The following NIBAN2 variants were observed in gnomAD, a reference collection of about 807,000 sequenced individuals.
The protein encoded by NIBAN2 is niban apoptosis regulator 2.
In NIBAN2, 36 loss-of-function variants were observed where a neutral mutation model predicts 81.8. The observed-to-expected ratio is 0.44, with a 90% CI of 0.34 to 0.58. The LOEUF is 0.58. Ranked by LOEUF, NIBAN2 falls within the 20% of genes least tolerant of loss-of-function variation. The probability of loss-of-function intolerance (pLI) is 0.02; values close to 1 mark genes in which losing one functional copy is unlikely to be tolerated. For synonymous variants in NIBAN2, 445 were observed against 441.6 expected, an observed-to-expected ratio of 1.01 and a Z score of -0.10; for missense variants, 897 against 1,014.1, an observed-to-expected ratio of 0.88 and a Z score of 1.57.
rs377668874 is a variant in NIBAN2, at chr9:127,507,265, C to T, written c.1821G>A (p.Pro607=). ...GCTTTTCCGAGAGGGTGGCTGACTCCGGGGTGCTGGGGCTGGGGCTGCCGC... is the reference window on the plus strand; with the variant it reads ...GCTTTTCCGAGAGGGTGGCTGACTCTGGGGTGCTGGGGCTGGGGCTGCCGC... ...GGGGSPSPST[P]ESATLSEKRR... The change falls in exon 14 of 14, where the codon CCG becomes CCA. Residue 607 remains proline (P), a synonymous_variant. Coordinates refer to ENST00000373312, the MANE Select transcript of NIBAN2 (RefSeq NM_022833.4). The surrounding 1 kb of genome is among the most constrained non-coding windows in gnomAD (Gnocchi z 6.8). 54 of 1,604,790 alleles carry T rather than the reference C, an allele frequency of 3.4e-5. No homozygotes were observed. The highest frequency in any genetic ancestry group is 2.4e-4 in the African/African-American group (18 of 74,762).
chr9:127,523,249 A>G (rs1836995009), intron 5 of NIBAN2, among the ~76,000 whole-genome samples: 1 of 101,406 alleles, frequency 9.9e-6, no homozygotes, highest in Non-Finnish European at 1.9e-5. Context: ...ATATATATAT[A>G]TATAAAATTA....
intron 1 of NIBAN2, among the ~76,000 whole-genome samples, chr9:127,539,419 C>T (rs1837337759): frequency 1.3e-5 from 2 of 152,102 alleles, no homozygotes; most frequent in Admixed American, 1.3e-4. Context: ...ACGAGGAAAC[C>T]GAGGCTCAGA....
intron 5 of NIBAN2, among the ~76,000 whole-genome samples, chr9:127,522,228 C>G (rs1254158094): frequency 6.6e-6 from 1 of 152,214 alleles, no homozygotes; most frequent in African/African-American, 2.4e-5. Context: ...CCTGGTTCCT[C>G]CTGCTTGGCA....
In NIBAN2 at chr9:127,551,715, T is replaced by TA. The variant is rs796356260; in HGVS notation, c.55+17104dup. On this transcript the variant is annotated intron_variant, in intron 1 of 13. Coordinates refer to ENST00000373312, the MANE Select transcript of NIBAN2 (RefSeq NM_022833.4). ...GGGCAACAAGAGCAAAACTCCATCT[T>TA]AAAAAAAAAAGAAAGAAAGAAAGAA... Among the ~76,000 whole-genome samples the TA allele has an allele frequency of 1.4e-3, 211 of 146,174 alleles. 2 individuals are homozygous for TA. The highest frequency in any genetic ancestry group is 4.9e-3 in the African/African-American group (195 of 39,914).
rs562718789 is a variant in NIBAN2 at position 127,540,327 on chromosome 9, C to A, written c.56-8549G>T. 2.1e-3 allele frequency among the ~76,000 whole-genome samples: 323 copies of A among 152,244 alleles called. 1 individual carries two copies. Among genetic ancestry groups the A allele is most frequent in the African/African-American group, 7.3e-3 (305 of 41,544 alleles). On this transcript the variant is annotated intron_variant, in intron 1 of 13. Coordinates refer to ENST00000373312, the MANE Select transcript of NIBAN2 (RefSeq NM_022833.4). The stretch of plus-strand genomic sequence containing the variant: ...CACTGTGCAGATAGGGGAACTGAGG[C>A]TCAGAGAGGAGAGGAGGCTTGCTGA...
At chr9:127,555,253 G>T (rs907950071) in intron 1 of NIBAN2, among the ~76,000 whole-genome samples, 2 of 152,156 alleles carry the variant, frequency 1.3e-5, no homozygotes, top group African/African-American at 4.8e-5. Flanking sequence ...CCAGGGCTTT[G>T]GGCCACCTTT....
Position 127,517,454 on chromosome 9 carries a change from G to C in NIBAN2, c.706-238C>G, listed in dbSNP as rs940798236. The stretch of plus-strand genomic sequence containing the variant: ...GGCCAGCCCCAGGGCCTTTGCACAG[G>C]CTGCCTTCCCTACCTAGAATACCAT... On this transcript the variant is annotated intron_variant, in intron 6 of 13. Coordinates refer to ENST00000373312, the MANE Select transcript of NIBAN2 (RefSeq NM_022833.4). The surrounding 1 kb of genome is among the most constrained non-coding windows in gnomAD (Gnocchi z 4.0). 6.6e-6 allele frequency among the ~76,000 whole-genome samples: 1 copy of C among 152,162 alleles called. No homozygotes were observed. The highest frequency in any genetic ancestry group is 1.5e-5 in the Non-Finnish European group (1 of 68,024).
chr9:127,529,008 G>A (rs779008380), intron 2 of NIBAN2, among the ~76,000 whole-genome samples: 5 of 152,250 alleles, frequency 3.3e-5, no homozygotes, highest in Admixed American at 1.3e-4. Context: ...TGGGGAGCTC[G>A]AATGGGTGGC....
rs1410361614 is a variant in NIBAN2, at chr9:127,506,178, C to CT, written c.*666dup. The CT allele has an allele frequency of 6.5e-6, 1 of 152,982 alleles. No homozygotes were observed. The highest frequency in any genetic ancestry group is 2.4e-5 in the African/African-American group (1 of 41,440). 9.5% of individuals were successfully genotyped at this position (152,982 alleles called of 1,614,324 possible). On this transcript the variant is annotated 3_prime_UTR_variant, in exon 14 of 14. Transcript: ENST00000373312. ...CAGCATCCCCCAGGATGGGGGTCCC[C>CT]TCCTTCACTCAGGACACTTCCCCTC...
intron 5 of NIBAN2, among the ~76,000 whole-genome samples, chr9:127,518,263 G>A (rs1051546111): frequency 2.3e-4 from 35 of 152,314 alleles, no homozygotes; most frequent in African/African-American, 7.5e-4. Flanking sequence ...AGAGACAACC[G>A]TTAGGGGACA....
upstream of NIBAN2, among the ~76,000 whole-genome samples, chr9:127,571,488 G>A (rs1218059975): frequency 6.6e-6 from 1 of 152,164 alleles, no homozygotes; most frequent in East Asian, 1.9e-4. Flanking sequence ...ACGAGATCAG[G>A]AGTCTGAGAC....
intron 1 of NIBAN2, among the ~76,000 whole-genome samples, chr9:127,578,667 TAAAAA>T (rs1015593125): frequency 7.2e-6 from 1 of 137,936 alleles, no homozygotes; most frequent in Admixed American, 7.3e-5. Flanking sequence ...AAACTCCGCC[TAAAAA>T]AAAAAAAGAA....
intron 8 of NIBAN2, among the ~76,000 whole-genome samples, 196 bp from the exon 9 acceptor site, chr9:127,510,529 C>T (rs1836718845): frequency 6.6e-6 from 1 of 152,022 alleles, no homozygotes; most frequent in African/African-American, 2.4e-5. Context: ...CTCCACCTCC[C>T]AGGTTCAAGC....
chr9:127,526,748 A>AC (rs1837073712), intron 3 of NIBAN2, among the ~76,000 whole-genome samples: 1 of 152,122 alleles, frequency 6.6e-6, no homozygotes, highest in South Asian at 2.1e-4. Context: ...TCGGACACCT[A>AC]CCCACCTGTA....
chr9:127,543,326 G>C (rs894795796), intron 1 of NIBAN2, among the ~76,000 whole-genome samples: 1 of 152,172 alleles, frequency 6.6e-6, no homozygotes, highest in Admixed American at 6.5e-5. Context: ...TGCAGGAAGT[G>C]GTACAGGAAT....
In NIBAN2 at chr9:127,508,255, G is replaced by A. The variant is rs995080605; in HGVS notation, c.1435-55C>T. ...CAGGTCAGTGGGCTCCATTGGCCCTGAGGGTAGGACGAGGCCAGTGGTCTG... is the reference window on the plus strand; with the variant it reads ...CAGGTCAGTGGGCTCCATTGGCCCTAAGGGTAGGACGAGGCCAGTGGTCTG... On this transcript the variant is annotated intron_variant, in intron 11 of 13. Transcript: ENST00000373312. This position sits in a 1 kb window ranked among gnomAD's most constrained non-coding sequence, Gnocchi z 6.4. 3.4e-5 allele frequency: 51 copies of A among 1,482,886 alleles called. No homozygotes were observed. The highest frequency in any genetic ancestry group is 8.5e-5 in the Admixed American group (5 of 58,890). 91.9% of individuals were successfully genotyped at this position (1,482,886 alleles called of 1,614,324 possible).
At position 127,506,970 on chromosome 9, in the gene NIBAN2, C is replaced by G. The variant is rs138757858; in HGVS notation, c.2116G>C (p.Ala706Pro). Residue 706 changes from alanine (A) to proline (P), a missense_variant, in exon 14 of 14, where the codon GCT becomes CCT. Ala to Pro is a conservative substitution (Grantham distance 27). Transcript: ENST00000373312. ...GGCTTGGGGGGCCCAAGGTCCACAG[C>G]CTTTCCAGGCAGGAGATGCTGGAGG... ...SPLQHLLPGK[A>P]VDLGPPKPSD... The G allele has an allele frequency of 1.5e-4, 243 of 1,603,232 alleles. 1 individual carries two copies. In the African/African-American group the frequency reaches 3.1e-3, roughly 20 times the overall value.
chr9:127,535,525 C>G lies in NIBAN2; in HGVS notation c.56-3747G>C, dbSNP rs977689996. On this transcript the variant is annotated intron_variant, in intron 1 of 13. Transcript: ENST00000373312. Reference sequence around the variant, plus strand: ...CATGGGAGTGCAGGGACCCCGCTGCCTGTCAGGGTGGGAGCTGAAGGTCAA... The same window carrying G: ...CATGGGAGTGCAGGGACCCCGCTGCGTGTCAGGGTGGGAGCTGAAGGTCAA... Among the ~76,000 whole-genome samples, 15 of 152,142 alleles carry G rather than the reference C, an allele frequency of 9.9e-5. 1 individual carries two copies. The highest frequency in any genetic ancestry group is 9.8e-4 in the Admixed American group (15 of 15,280).
intron 1 of NIBAN2, among the ~76,000 whole-genome samples, chr9:127,555,844 T>G (rs1254933282): frequency 6.6e-6 from 1 of 152,206 alleles, no homozygotes; most frequent in Admixed American, 6.5e-5. Flanking sequence ...TGGTAGTTGT[T>G]CTGTGTGTCT....
Sources: allele counts gnomAD v4.1 joint callset (sites outside exome capture counted in the v4.1 genomes callset), GRCh38; gene constraint gnomAD v4.1.1; non-coding constraint Gnocchi (gnomAD v3.1); transcripts MANE v1.5; gene names NCBI Gene and HGNC (gene_info 2026-07-23, HGNC 2026-07-21).